RTCA: variants seen among roughly 807,000 people sequenced by gnomAD.
RTCA encodes RNA 3'-terminal phosphate cyclase.
In RTCA, 37 loss-of-function variants were observed where a neutral mutation model predicts 46.1. That is an observed-to-expected ratio of 0.80 (90% CI 0.62 to 1.06). The LOEUF (loss-of-function observed/expected upper bound fraction) is 1.06, where lower values mean the gene tolerates loss of function less well. RTCA is among the 50% of genes least tolerant of loss of function. RTCA has a pLI of 0.00. For missense variants in RTCA, 435 were observed against 455.5 expected (o/e 0.95, Z 0.41); for synonymous variants, 164 against 158.3 (o/e 1.04, Z -0.27).
rs1666445114 is a variant in RTCA at position 100,277,281 on chromosome 1, G to T, written c.764G>T (p.Gly255Val). 2.5e-6 allele frequency: 4 copies of T among 1,612,234 alleles called. No individual in the cohort carries two copies. Among genetic ancestry groups the T allele is most frequent in the African/African-American group, 2.7e-5 (2 of 74,906 alleles). ...GIIIIAETST[G>V]CLFAGSSLGK... is the part of the protein sequence containing the mutation. Reference sequence around the variant, plus strand: ...AGAATTATTGCTGAGACCTCCACTGGCTGTTTGTTTGCTGGATCATCGCTT... The same window carrying T: ...AGAATTATTGCTGAGACCTCCACTGTCTGTTTGTTTGCTGGATCATCGCTT... The change falls in exon 8 of 11, where the codon GGC (glycine) becomes GTC (valine). Residue 255 changes from glycine to valine, a missense_variant. Physicochemically the swap from Gly to Val is moderately radical, Grantham distance 109 (BLOSUM62 -3). Coordinates refer to ENST00000370128, the MANE Select transcript of RTCA (RefSeq NM_003729.4).
intron 8 of RTCA, among the ~76,000 whole-genome samples, chr1:100,283,108 G>C (rs902276368): frequency 6.7e-6 from 1 of 149,296 alleles, no homozygotes; most frequent in Non-Finnish European, 1.5e-5. Flanking sequence ...AATTTCATGT[G>C]TAGACTTGGG....
intron 5 of RTCA, 42 bp downstream of exon 5, chr1:100,273,494 G>T (rs185908230): frequency 4.1e-4 from 523 of 1,267,108 alleles, no homozygotes; most frequent in Non-Finnish European, 5.4e-4. Flanking sequence ...TATTACTTAC[G>T]CTAGAAGTAG....
At chr1:100,283,052 C>G (rs1666798316) in intron 8 of RTCA, among the ~76,000 whole-genome samples, 1 of 152,094 alleles carries the variant, frequency 6.6e-6, no homozygotes, top group Admixed American at 6.5e-5. Flanking sequence ...CTGCCTCCAC[C>G]TCCCAAAATG....
At chr1:100,276,551 C>T (rs940174903) in intron 7 of RTCA, among the ~76,000 whole-genome samples, 1 of 152,086 alleles carries the variant, frequency 6.6e-6, no homozygotes, top group Non-Finnish European at 1.5e-5. Flanking sequence ...GTGGTGCACA[C>T]CTGTAGTCCC....
At chr1:100,277,441 T>C in intron 8 of RTCA, 125 bp downstream of exon 8, 1 of 843,844 alleles carries the variant, frequency 1.2e-6, no homozygotes, top group Non-Finnish European at 1.8e-6. Flanking sequence ...GATTCTCTTT[T>C]AGAGTCAATT....
At chr1:100,280,531 G>C (rs1281253448) in intron 8 of RTCA, among the ~76,000 whole-genome samples, 2 of 152,120 alleles carry the variant, frequency 1.3e-5, no homozygotes, top group African/African-American at 4.8e-5. Context: ...GACTCCTCCT[G>C]GTATCCTTCC....
chr1:100,267,347 A>T, intron 2 of RTCA: 3 of 752,924 alleles, frequency 4.0e-6, no homozygotes, highest in Non-Finnish European at 5.7e-6. Flanking sequence ...TGTTAATGTT[A>T]ATTGCCTTTG....
chr1:100,286,894 C>T (rs561309656), intron 9 of RTCA, among the ~76,000 whole-genome samples: 4 of 152,272 alleles, frequency 2.6e-5, no homozygotes, highest in Non-Finnish European at 5.9e-5. Context: ...TTGAGAGCTG[C>T]TACCAAGCCT....
chr1:100,270,775 T>G, intron 4 of RTCA, 95 bp downstream of exon 4: 1 of 1,382,898 alleles, frequency 7.2e-7, no homozygotes, highest in Non-Finnish European at 9.9e-7. Flanking sequence ...TTTGTGACTT[T>G]CTTGTTTATC....
At chr1:100,277,632 A>T (rs1666466520) in intron 8 of RTCA, among the ~76,000 whole-genome samples, 1 of 152,218 alleles carries the variant, frequency 6.6e-6, no homozygotes, top group Non-Finnish European at 1.5e-5. Flanking sequence ...TGCAGGTGCC[A>T]TGTCTCACCC....
intron 10 of RTCA, among the ~76,000 whole-genome samples, chr1:100,287,725 A>T (rs1165583952): frequency 6.6e-6 from 1 of 151,978 alleles, no homozygotes; most frequent in Non-Finnish European, 1.5e-5. Flanking sequence ...AGTAGAGTTG[A>T]CGTACAGTTT....
intron 8 of RTCA, chr1:100,281,434 A>T (rs1325888988): frequency 9.8e-6 from 4 of 409,148 alleles, no homozygotes; most frequent in Non-Finnish European, 2.0e-5. Context: ...TTGGACCGTG[A>T]TTGTGATCTA....
chr1:100,279,179 T>G (rs899125651), intron 8 of RTCA, among the ~76,000 whole-genome samples: 1 of 151,910 alleles, frequency 6.6e-6, no homozygotes, highest in Admixed American at 6.6e-5. Flanking sequence ...TTGGGAGAAG[T>G]GTGAGTTTGT....
At position 100,273,389 on chromosome 1, in the gene RTCA, T is replaced by C. The variant is rs2100795066; in HGVS notation, c.415-5T>C. On this transcript the variant is annotated splice_polypyrimidine_tract_variant and splice_region_variant and intron_variant, in intron 4 of 10. Transcript: ENST00000370128. ...TAACCTAATGATAAAAACTGATTTTTTCAGGTCTTCAAGCCAATTGTTGAA... is the reference window on the plus strand; with the variant it reads ...TAACCTAATGATAAAAACTGATTTTCTCAGGTCTTCAAGCCAATTGTTGAA... The C allele has an allele frequency of 1.3e-6, 2 of 1,564,434 alleles. No individual in the cohort carries two copies. The highest frequency in any genetic ancestry group is 4.5e-5 in the East Asian group (2 of 44,260).
At chr1:100,280,905 G>C (rs1666670057) in intron 8 of RTCA, among the ~76,000 whole-genome samples, 1 of 152,150 alleles carries the variant, frequency 6.6e-6, no homozygotes, top group Admixed American at 6.5e-5. Context: ...TAAATGCTGA[G>C]GCAGGAGGCG....
At chr1:100,275,924 C>T (rs1424613253) in intron 7 of RTCA, among the ~76,000 whole-genome samples, 1 of 152,004 alleles carries the variant, frequency 6.6e-6, no homozygotes, top group African/African-American at 2.4e-5. Context: ...CAAGCTCCGC[C>T]TCCTGGGTTC....
In RTCA at chr1:100,266,405, C is replaced by G; in HGVS notation, c.30C>G (p.Gly10=). 1 of 1,612,380 alleles carries G rather than the reference C, an allele frequency of 6.2e-7. No individual in the cohort carries two copies. Among genetic ancestry groups the G allele is most frequent in the Non-Finnish European group, 8.5e-7 (1 of 1,179,408 alleles). The part of the protein sequence containing the change: MAGPRVEVD[G]SIMEGGGQIL... ...CGGGGCCGCGGGTGGAGGTCGATGG[C>G]AGCATCATGGAAGGGGTGAGTACAG... Residue 10 remains glycine, a synonymous_variant, in exon 1 of 11, where the codon GGC becomes GGG. Coordinates refer to ENST00000370128, the MANE Select transcript of RTCA (RefSeq NM_003729.4).
chr1:100,291,621 A>G lies in RTCA; in HGVS notation c.*117A>G. The G allele has an allele frequency of 1.5e-6, 1 of 649,398 alleles. No homozygotes were observed. Among genetic ancestry groups the G allele is most frequent in the South Asian group, 2.1e-5 (1 of 46,606 alleles). The allele number at this position is 649,398 out of a possible 1,614,324, so 40.2% of individuals were successfully genotyped here. Reference sequence around the variant, plus strand: ...TATGACTTAAATTTGAAGATGAAGTACAGTGTTCTAGGTTTGCTGAGAAGG... The same window carrying G: ...TATGACTTAAATTTGAAGATGAAGTGCAGTGTTCTAGGTTTGCTGAGAAGG... On this transcript the variant is annotated 3_prime_UTR_variant, in exon 11 of 11. Coordinates refer to ENST00000370128, the MANE Select transcript of RTCA (RefSeq NM_003729.4).
Position 100,285,177 on chromosome 1 carries a change from A to AGTTTT in RTCA, c.800-25_800-21dup, listed in dbSNP as rs58046505. On this transcript the variant is annotated intron_variant, in intron 8 of 10. Transcript: ENST00000370128. ...CCAAACTTTTTGTCTCTTAGTAATT[A>AGTTTT]GTTTTGTTTTGTTTTGTTTTGTTTT... The AGTTTT allele has an allele frequency of 5.1e-4, 658 of 1,280,392 alleles. No homozygotes were observed. The African/African-American group carries it at 5.3e-3, about 10-fold the overall frequency. The allele number at this position is 1,280,392 out of a possible 1,614,324, so 79.3% of individuals were successfully genotyped here.
Sources: allele counts gnomAD v4.1 joint callset (sites outside exome capture counted in the v4.1 genomes callset), GRCh38; gene constraint gnomAD v4.1.1; transcripts MANE v1.5; gene names NCBI Gene and HGNC (gene_info 2026-07-23, HGNC 2026-07-21).